Variants in NHSL1 observed in about 807,000 individuals in gnomAD.
NHSL1 encodes NHS-like protein 1.
NHSL1 carries 48 observed loss-of-function variants against 95.0 expected under a neutral mutation model. The observed-to-expected ratio is 0.51, with a 90% confidence interval of 0.40 to 0.64. The LOEUF is 0.64. Ranked by LOEUF, NHSL1 falls within the 30% of genes least tolerant of loss-of-function variation. The pLI is 0.00. For synonymous variants in NHSL1, 783 were observed against 833.9 expected (o/e 0.94, Z 1.05); for missense variants, 1,971 against 2,077.7 (o/e 0.95, Z 1.00).
chr6:138,485,034 T>G lies in NHSL1; in HGVS notation c.211+11185A>C, dbSNP rs567439290. Among the ~76,000 whole-genome samples the G allele has an allele frequency of 2.0e-5, 3 of 152,322 alleles. No homozygotes were observed. The East Asian group carries it at 5.8e-4, about 29-fold the overall frequency. On this transcript the variant is annotated intron_variant, in intron 2 of 7. Transcript: ENST00000343505. ...TGTGCTGAGAGTCTGCAAGTCCTAG[T>G]TGAGCACCACCAGAGAGAGCAGCCA...
At chr6:138,674,329 A>C (rs1325193559) in intron 1 of NHSL1, among the ~76,000 whole-genome samples, 1 of 151,336 alleles carries the variant, frequency 6.6e-6, no homozygotes, top group African/African-American at 2.4e-5. Flanking sequence ...GTTTTTTTTT[A>C]AGTTTCAGGG....
At chr6:138,581,692 C>CAA (rs1163761095) in intron 1 of NHSL1, among the ~76,000 whole-genome samples, 85 of 67,230 alleles carry the variant, frequency 1.3e-3, no homozygotes, top group Non-Finnish European at 1.8e-3. Flanking sequence ...ACTCCGTCTC[C>CAA]AAAAAAAAAA....
chr6:138,656,135 T>G (rs1785153348), intron 1 of NHSL1, among the ~76,000 whole-genome samples: 2 of 151,926 alleles, frequency 1.3e-5, no homozygotes, highest in South Asian at 4.1e-4. Flanking sequence ...GCACCGGTCC[T>G]CGATGAAAGG....
rs1775812212 is a variant in NHSL1, at chr6:138,432,985, G to A, written c.1360C>T (p.Leu454Phe). 2 of 1,551,382 alleles carry A rather than the reference G, an allele frequency of 1.3e-6. No homozygotes were observed. Among genetic ancestry groups the A allele is most frequent in the East Asian group, 2.4e-5 (1 of 40,920 alleles). Residue 454 changes from leucine to phenylalanine, a missense_variant, in exon 6 of 8, where the codon CTC becomes TTC. Coordinates refer to ENST00000343505, the MANE Select transcript of NHSL1 (RefSeq NM_001144060.2). This position sits in a 1 kb window ranked among gnomAD's most constrained non-coding sequence, Gnocchi z 4.4. ...SHARIKSRDH[L>F]ISRHAVKGDP... Reference sequence around the variant, plus strand: ...CCTTTCACAGCATGCCTGGAGATGAGGTGGTCTCTGGATTTTATCCTTGCA... The same window carrying A: ...CCTTTCACAGCATGCCTGGAGATGAAGTGGTCTCTGGATTTTATCCTTGCA...
chr6:138,528,878 T>C (rs1782019649), intron 1 of NHSL1, among the ~76,000 whole-genome samples: 1 of 152,172 alleles, frequency 6.6e-6, no homozygotes, highest in African/African-American at 2.4e-5. Flanking sequence ...TTTCCAGTGT[T>C]TGAGGTTCGA....
intron 1 of NHSL1, among the ~76,000 whole-genome samples, chr6:138,676,064 G>C (rs1032339293): frequency 6.6e-6 from 1 of 152,128 alleles, no homozygotes; most frequent in Non-Finnish European, 1.5e-5. Context: ...ACCCAACTAA[G>C]CAAAACCCTA....
chr6:138,541,335 C>G (rs1415021754), intron 1 of NHSL1, among the ~76,000 whole-genome samples: 1 of 152,128 alleles, frequency 6.6e-6, no homozygotes, highest in Non-Finnish European at 1.5e-5. Context: ...CTACTGCACT[C>G]CAGCCTGGGC....
chr6:138,665,191 G>A (rs1477626079), intron 1 of NHSL1, among the ~76,000 whole-genome samples: 5 of 152,052 alleles, frequency 3.3e-5, no homozygotes, highest in African/African-American at 1.2e-4. Context: ...AGTAACACTT[G>A]GCTTATGTGC....
At chr6:138,551,456 A>G (rs1321120385) in intron 1 of NHSL1, among the ~76,000 whole-genome samples, 1 of 152,172 alleles carries the variant, frequency 6.6e-6, no homozygotes, top group Non-Finnish European at 1.5e-5. Flanking sequence ...TTTTAAGATG[A>G]CAATGACCAG....
intron 3 of NHSL1, among the ~76,000 whole-genome samples, chr6:138,464,874 C>T (rs1296008630): frequency 2.7e-5 from 4 of 150,792 alleles, no homozygotes; most frequent in Admixed American, 1.3e-4. Context: ...CACCACGCCT[C>T]GCTAATTTTT....
At chr6:138,655,379 C>A (rs150496705) in intron 1 of NHSL1, among the ~76,000 whole-genome samples, 1 of 152,310 alleles carries the variant, frequency 6.6e-6, no homozygotes, top group Non-Finnish European at 1.5e-5. Flanking sequence ...CAACCGCTCT[C>A]CCGCTTGACC....
intron 3 of NHSL1, among the ~76,000 whole-genome samples, chr6:138,450,056 T>G (rs1583194361): frequency 2.6e-5 from 4 of 152,278 alleles, no homozygotes; most frequent in Admixed American, 2.6e-4. Context: ...CTCACACAGA[T>G]CCTTAAAGAC....
intron 1 of NHSL1, among the ~76,000 whole-genome samples, chr6:138,558,695 A>G (rs113981625): frequency 2.2e-4 from 34 of 152,314 alleles, no homozygotes; most frequent in African/African-American, 7.9e-4. Context: ...CTGGGATTAC[A>G]GGCACGAGCT....
At chr6:138,498,193 G>A (rs73573290) in intron 1 of NHSL1, among the ~76,000 whole-genome samples, 1 of 152,232 alleles carries the variant, frequency 6.6e-6, no homozygotes, top group African/African-American at 2.4e-5. Flanking sequence ...TTTAAAGACT[G>A]AGTTACCATA....
At chr6:138,659,524 C>G (rs1271184383) in intron 1 of NHSL1, among the ~76,000 whole-genome samples, 1 of 152,106 alleles carries the variant, frequency 6.6e-6, no homozygotes, top group African/African-American at 2.4e-5. Flanking sequence ...AAGTTAGCAT[C>G]TGGGGTTGAA....
At chr6:138,687,773 A>G (rs1462024293) in intron 1 of NHSL1, among the ~76,000 whole-genome samples, 1 of 152,230 alleles carries the variant, frequency 6.6e-6, no homozygotes, top group Non-Finnish European at 1.5e-5. Flanking sequence ...AAATGTCCAG[A>G]AAAGTCAAAT....
chr6:138,587,026 G>A (rs1208416279), intron 1 of NHSL1, among the ~76,000 whole-genome samples: 2 of 151,896 alleles, frequency 1.3e-5, no homozygotes, highest in South Asian at 2.1e-4. Context: ...ATGTTGGAGT[G>A]CAGCGGTACA....
In NHSL1 at chr6:138,467,196, A is replaced by G. The variant is rs1440989676; in HGVS notation, c.339+6110T>C. Among the ~76,000 whole-genome samples the G allele has an allele frequency of 9.2e-5, 14 of 151,576 alleles. No individual in the cohort carries two copies. In the South Asian group the frequency reaches 2.5e-3, roughly 27 times the overall value. Reference sequence around the variant, plus strand: ...TTGAGACGGAATCTCGCTGTCGCCCAGGCTGGAGTGCAGTGGCGCGATCTC... The same window carrying G: ...TTGAGACGGAATCTCGCTGTCGCCCGGGCTGGAGTGCAGTGGCGCGATCTC... On this transcript the variant is annotated intron_variant, in intron 3 of 7. Coordinates refer to ENST00000343505, the MANE Select transcript of NHSL1 (RefSeq NM_001144060.2).
chr6:138,453,294 T>A (rs1390110991), intron 3 of NHSL1, among the ~76,000 whole-genome samples: 1 of 151,914 alleles, frequency 6.6e-6, no homozygotes, highest in African/African-American at 2.4e-5. Flanking sequence ...TTCTTTCATA[T>A]GTATTATATT....
Sources: gnomAD v4.1 joint callset for allele counts (sites outside exome capture counted in the v4.1 genomes callset) on GRCh38, gnomAD v4.1.1 for gene constraint, Gnocchi (gnomAD v3.1) non-coding constraint, MANE v1.5 for transcripts, NCBI Gene and HGNC (gene_info 2026-07-23, HGNC 2026-07-21) for gene names.